Variants in CACNA2D3 observed in about 807,000 individuals in gnomAD.
CACNA2D3 encodes voltage-dependent calcium channel subunit alpha-2/delta-3.
CACNA2D3 carries 60 observed loss-of-function variants against 160.6 expected under a neutral mutation model. That is an observed-to-expected ratio of 0.37 (90% CI 0.30 to 0.46). CACNA2D3 has a LOEUF of 0.46. Ranked by LOEUF, CACNA2D3 falls within the 20% of genes least tolerant of loss-of-function variation. CACNA2D3 has a pLI of 1.00. For missense variants in CACNA2D3, 1,205 were observed against 1,365.0 expected (o/e 0.88, Z 1.85); for synonymous variants, 558 against 492.9 (o/e 1.13, Z -1.75).
At chr3:54,439,538 T>C (rs1868500) in intron 4 of CACNA2D3, among the ~76,000 whole-genome samples, 22,434 of 152,192 alleles carry the variant, frequency 0.15, 1,829 homozygotes, top group Admixed American at 0.25. Context: ...CCCCTGAATT[T>C]CTGTGTCTTT....
intron 9 of CACNA2D3, among the ~76,000 whole-genome samples, chr3:54,605,244 A>G (rs1405675165): frequency 6.6e-6 from 1 of 152,174 alleles, no homozygotes; most frequent in African/African-American, 2.4e-5. Flanking sequence ...ATCTGCAGCA[A>G]CCCTTCTAGG....
At chr3:54,467,995 G>A (rs1419086345) in intron 4 of CACNA2D3, among the ~76,000 whole-genome samples, 1 of 152,144 alleles carries the variant, frequency 6.6e-6, no homozygotes, top group Non-Finnish European at 1.5e-5. Context: ...GTGTAAATAT[G>A]TACAATTATG....
At chr3:55,065,178 A>C (rs1704607149) in intron 35 of CACNA2D3, among the ~76,000 whole-genome samples, 1 of 152,140 alleles carries the variant, frequency 6.6e-6, no homozygotes, top group Admixed American at 6.5e-5. Context: ...TCTTTTAGGC[A>C]CCTACTGAAC....
chr3:54,674,700 A>T (rs1322418616), intron 11 of CACNA2D3, among the ~76,000 whole-genome samples: 2 of 152,144 alleles, frequency 1.3e-5, no homozygotes, highest in African/African-American at 4.8e-5. Flanking sequence ...GTGGGTAAAA[A>T]GGAAGTGAGG....
At chr3:55,055,865 T>C (rs946424166) in intron 35 of CACNA2D3, among the ~76,000 whole-genome samples, 2 of 152,104 alleles carry the variant, frequency 1.3e-5, no homozygotes, top group African/African-American at 4.8e-5. Context: ...ACAGAAATGC[T>C]AAAAACTACA....
chr3:54,310,005 A>G (rs1703701098), intron 2 of CACNA2D3, among the ~76,000 whole-genome samples: 1 of 152,024 alleles, frequency 6.6e-6, no homozygotes, highest in Admixed American at 6.6e-5. Context: ...AGATTCAAAT[A>G]GTCTCTTGTT....
chr3:54,533,069 C>T (rs1701830286), intron 5 of CACNA2D3, among the ~76,000 whole-genome samples: 1 of 152,172 alleles, frequency 6.6e-6, no homozygotes, highest in South Asian at 2.1e-4. Flanking sequence ...CCCATTTCCT[C>T]CTCAGGGTTT....
At chr3:54,827,243 G>A (rs1197105781) in intron 14 of CACNA2D3, among the ~76,000 whole-genome samples, 1 of 152,108 alleles carries the variant, frequency 6.6e-6, no homozygotes, top group East Asian at 2.0e-4. Flanking sequence ...CTTGTGAAAT[G>A]TGCGTAGGCA....
intron 29 of CACNA2D3, among the ~76,000 whole-genome samples, chr3:54,976,233 C>T (rs769450881): frequency 2.0e-5 from 3 of 148,132 alleles, no homozygotes; most frequent in Non-Finnish European, 3.0e-5. Context: ...CTTTGGAGTC[C>T]CATAGCAATG....
chr3:54,666,314 A>G (rs576218972), intron 11 of CACNA2D3, among the ~76,000 whole-genome samples: 1 of 152,360 alleles, frequency 6.6e-6, no homozygotes, highest in Admixed American at 6.5e-5. Flanking sequence ...AAAATATAAG[A>G]TAAAATACAA....
At chr3:54,350,987 T>TTTTTTTTTTTTTTTTG (rs1698550462) in intron 3 of CACNA2D3, among the ~76,000 whole-genome samples, 1 of 28,784 alleles carries the variant, frequency 3.5e-5, no homozygotes, top group African/African-American at 1.6e-4. Context: ...TTTTTGTTTG[T>TTTTTTTTTTTTTTTTG]TTTTTTTTTT....
At chr3:54,793,982 A>C (rs1425889981) in intron 13 of CACNA2D3, among the ~76,000 whole-genome samples, 1 of 152,112 alleles carries the variant, frequency 6.6e-6, no homozygotes, top group African/African-American at 2.4e-5. Flanking sequence ...TGTTCATTTC[A>C]TCTAAGTTAT....
chr3:54,569,879 G>T, intron 7 of CACNA2D3, 24 bp downstream of exon 7: 1 of 1,611,582 alleles, frequency 6.2e-7, no homozygotes, highest in Non-Finnish European at 8.5e-7. Flanking sequence ...AGACCTCTTT[G>T]TTATTTCTCA....
intron 2 of CACNA2D3, among the ~76,000 whole-genome samples, chr3:54,245,328 GGA>G (rs1454484987): frequency 6.7e-6 from 1 of 150,052 alleles, no homozygotes; most frequent in African/African-American, 2.5e-5. Context: ...TGTGTGTGTG[GGA>G]GAGAGAGATT....
intron 3 of CACNA2D3, among the ~76,000 whole-genome samples, chr3:54,347,099 A>G (rs61357313): frequency 2.6e-5 from 4 of 152,182 alleles, no homozygotes; most frequent in South Asian, 2.1e-4. Flanking sequence ...ACACATTGCA[A>G]TGTTGATGGA....
rs1309130995 is a variant in CACNA2D3 at position 54,859,979 on chromosome 3, C to CACAT, written c.1627-11557_1627-11556insTACA. On this transcript the variant is annotated intron_variant, in intron 17 of 37. Transcript: ENST00000474759. Reference sequence around the variant, plus strand: ...ATCATCTGGAAAGTAGATGCACACACACACACACACACACACACACACACA... The same window carrying CACAT: ...ATCATCTGGAAAGTAGATGCACACACACATACACACACACACACACACACACACA... 1.3e-4 allele frequency among the ~76,000 whole-genome samples: 19 copies of CACAT among 147,998 alleles called. 1 individual carries two copies. Among genetic ancestry groups the CACAT allele is most frequent in the Non-Finnish European group, 4.5e-5 (3 of 66,982 alleles).
At chr3:54,973,216 C>T (rs1702314482) in intron 29 of CACNA2D3, among the ~76,000 whole-genome samples, 1 of 151,758 alleles carries the variant, frequency 6.6e-6, no homozygotes, top group Non-Finnish European at 1.5e-5. Flanking sequence ...TCAAGGAAAA[C>T]ACAGTTAGCA....
At chr3:54,894,379 C>T (rs573704349) in intron 25 of CACNA2D3, among the ~76,000 whole-genome samples, 65 of 152,236 alleles carry the variant, frequency 4.3e-4, no homozygotes, top group African/African-American at 1.3e-3. Flanking sequence ...GCCCTAGGTG[C>T]CAGCACTGTC....
At chr3:54,833,807 T>G (rs1703929724) in intron 14 of CACNA2D3, among the ~76,000 whole-genome samples, 1 of 152,134 alleles carries the variant, frequency 6.6e-6, no homozygotes, top group Non-Finnish European at 1.5e-5. Flanking sequence ...ATGGTATTTC[T>G]GTGTTCCTGC....
Sources: gnomAD v4.1 joint callset for allele counts (sites outside exome capture counted in the v4.1 genomes callset) on GRCh38, gnomAD v4.1.1 for gene constraint, MANE v1.5 for transcripts, NCBI Gene and HGNC (gene_info 2026-07-23, HGNC 2026-07-21) for gene names.